TLE2: variants seen among roughly 807,000 people sequenced by gnomAD.
TLE2 encodes TLE family member 2, transcriptional corepressor.
TLE2 carries 74 observed loss-of-function variants against 97.2 expected under a neutral mutation model. That is an observed-to-expected ratio of 0.76 (90% CI 0.63 to 0.92). The LOEUF is 0.92. Ranked by LOEUF, TLE2 falls within the 40% of genes least tolerant of loss-of-function variation. The pLI is 0.00. For synonymous variants in TLE2, 499 were observed against 432.1 expected (o/e 1.15, Z -1.92); for missense variants, 1,038 against 1,008.7 (o/e 1.03, Z -0.39).
At chr19:2,998,199 T>C (rs2089260317) in intron 19 of TLE2, among the ~76,000 whole-genome samples, 2 of 149,150 alleles carry the variant, frequency 1.3e-5, no homozygotes, top group Admixed American at 1.3e-4. Context: ...GCCTCCCAAA[T>C]AGCTGGGATT....
chr19:3,041,013 A>ATATATATATATATT (rs1555695656), intron 1 of TLE2, among the ~76,000 whole-genome samples: 2 of 28,976 alleles, frequency 6.9e-5, no homozygotes, highest in Admixed American at 6.1e-4. Context: ...ATATATATAT[A>ATATATATATATATT]TTTTTTTTTT....
intron 4 of TLE2, chr19:3,025,578 A>C: frequency 2.0e-6 from 2 of 986,824 alleles, no homozygotes; most frequent in Non-Finnish European, 1.2e-6. Flanking sequence ...CTCCAGGTGG[A>C]GATCTCAGCA....
Position 3,019,375 on chromosome 19 carries a change from A to G in TLE2, c.458T>C (p.Leu153Pro). The part of the protein sequence containing the change: ...AGLVGGSATG[L>P]LALSGALAAQ... ...AGCCAGGGCTCCAGACAGAGCAAGC[A>G]GCCCCGTAGCACTGCCGCCCACCAG... The change falls in exon 7 of 20, where the codon CTG becomes CCG. Residue 153 changes from leucine to proline, a missense_variant. By Grantham distance (98) the Leu-to-Pro change is moderately conservative. Coordinates refer to ENST00000262953, the MANE Select transcript of TLE2 (RefSeq NM_003260.5). This position sits in a 1 kb window ranked among gnomAD's most constrained non-coding sequence, Gnocchi z 5.1. 1 of 1,552,524 alleles carries G rather than the reference A, an allele frequency of 6.4e-7. No homozygotes were observed. Among genetic ancestry groups the G allele is most frequent in the Non-Finnish European group, 8.7e-7 (1 of 1,156,014 alleles).
chr19:3,027,749 G>A (rs1247221805), intron 4 of TLE2, 80 bp downstream of exon 4: 11 of 1,452,234 alleles, frequency 7.6e-6, no homozygotes, highest in South Asian at 2.4e-5. Flanking sequence ...CTCTGGCCCC[G>A]GCTGCCCACT....
chr19:3,005,578 G>GA lies in TLE2; in HGVS notation c.1754dup (p.Gln586ProfsTer11). On this transcript the variant is annotated frameshift_variant, in exon 17 of 20. Coordinates refer to ENST00000262953, the MANE Select transcript of TLE2 (RefSeq NM_003260.5). LOFTEE classifies it high-confidence loss of function. ...AGCTGGCGCCGTCCGTGTGGCCCTGGAACTGCCTGGAGGGAGAAGGGCCCA... is the reference window on the plus strand; with the variant it reads ...AGCTGGCGCCGTCCGTGTGGCCCTGGAAACTGCCTGGAGGGAGAAGGGCCCA... The GA allele has an allele frequency of 6.2e-7, 1 of 1,613,138 alleles. No homozygotes were observed. The highest frequency in any genetic ancestry group is 8.5e-7 in the Non-Finnish European group (1 of 1,179,568).
chr19:3,001,621 C>T (rs2089361370), intron 18 of TLE2, among the ~76,000 whole-genome samples: 1 of 151,504 alleles, frequency 6.6e-6, no homozygotes, highest in South Asian at 2.1e-4. Flanking sequence ...TCGTACCTGG[C>T]ACTACAGGTG....
rs1001318229 is a variant in TLE2, at chr19:3,009,611, G to A, written c.1104C>T (p.Pro368=). Residue 368 remains proline, a synonymous_variant, in exon 13 of 20, where the codon CCC becomes CCT. Transcript: ENST00000262953. ...ACAGGTGGAGGCTGACGTAGGAGCT[G>A]GGCACGGAGAGGTCTCCGTTGAGAG... The part of the protein sequence containing the change: ...HSTLNGDLSV[P]SSYVSLHLSP... 13 of 1,613,256 alleles carry A rather than the reference G, an allele frequency of 8.1e-6. No homozygotes were observed. Among genetic ancestry groups the A allele is most frequent in the Non-Finnish European group, 1.0e-5 (12 of 1,179,690 alleles).
intron 4 of TLE2, 117 bp downstream of exon 4, chr19:3,027,712 G>T (rs2089968749): frequency 2.0e-6 from 2 of 1,012,688 alleles, no homozygotes; most frequent in Non-Finnish European, 1.5e-6. Flanking sequence ...GGAGATTTCA[G>T]GATGAGACCC....
chr19:3,031,654 G>A (rs1232410512), upstream of TLE2, among the ~76,000 whole-genome samples: 9 of 151,894 alleles, frequency 5.9e-5, no homozygotes, highest in African/African-American at 1.7e-4. Context: ...TCTCAACTCC[G>A]GTCATTTTCG....
At chr19:3,032,819 C>T (rs566696365), upstream of TLE2, among the ~76,000 whole-genome samples, 6 of 152,242 alleles carry the variant, frequency 3.9e-5, no homozygotes, top group East Asian at 3.9e-4. This position sits in a 1 kb window ranked among gnomAD's most constrained non-coding sequence, Gnocchi z 4.1. Context: ...AAACCCTTTC[C>T]GGCAGGTGTT....
chr19:3,024,533 G>A (rs1333705954), intron 5 of TLE2, among the ~76,000 whole-genome samples: 2 of 151,954 alleles, frequency 1.3e-5, no homozygotes, highest in Non-Finnish European at 1.5e-5. Flanking sequence ...CCTAGGAGTG[G>A]ATCACCCAGT....
intron 19 of TLE2, among the ~76,000 whole-genome samples, chr19:2,999,730 A>AG (rs2089309937): frequency 7.7e-6 from 1 of 130,674 alleles, no homozygotes; most frequent in Non-Finnish European, 1.6e-5. Context: ...CCATCTCAAA[A>AG]AAAAAAAAAG....
intron 8 of TLE2, among the ~76,000 whole-genome samples, chr19:3,017,452 C>CTTTTTT (rs529847551): frequency 2.4e-5 from 3 of 123,836 alleles, no homozygotes; most frequent in Non-Finnish European, 3.3e-5. Flanking sequence ...TTCTTTCTTT[C>CTTTTTT]TTTTTTTTTT....
At chr19:3,020,960 G>A (rs1307125903) in intron 5 of TLE2, among the ~76,000 whole-genome samples, 1 of 151,560 alleles carries the variant, frequency 6.6e-6, no homozygotes, top group African/African-American at 2.4e-5. Flanking sequence ...GTGGCGGCGG[G>A]TGCCTATAAT....
In TLE2 at chr19:3,039,117, T is replaced by G. The variant is rs537839291; in HGVS notation, c.63+6609A>C. ...GGGCACCTGTAGCTGCTTGGGAGGC[T>G]GAGACAGAATTGCTTGAACCCGGGA... is the stretch of plus-strand genomic sequence containing the variant. On this transcript the variant is annotated intron_variant, in intron 1 of 18. Transcript: ENST00000426948. 3.6e-5 allele frequency among the ~76,000 whole-genome samples: 5 copies of G among 140,464 alleles called. 1 individual carries two copies. The South Asian group carries it at 1.1e-3, about 32-fold the overall frequency. The allele number at this position is 140,464 out of a possible 152,430, so 92.1% of individuals were successfully genotyped here. A position where few individuals can be genotyped will look rare whatever the true frequency, so the allele number is the denominator to read the frequency against.
chr19:3,002,648 C>G (rs1274426974), intron 17 of TLE2, 145 bp from the exon 18 acceptor site: 1 of 943,272 alleles, frequency 1.1e-6, no homozygotes. Context: ...AAGAGATCCT[C>G]CTGCCTCAGC....
At position 2,997,838 on chromosome 19, in the gene TLE2, G is replaced by A; in HGVS notation, c.*10C>T. ...GTCTGGACTTCGGGTACAGGAAGGG[G>A]GGTCATGTCTCAGTAGACCACCTCA... On this transcript the variant is annotated 3_prime_UTR_variant, in exon 20 of 20. Transcript: ENST00000262953. The A allele has an allele frequency of 3.1e-6, 5 of 1,588,484 alleles. No individual in the cohort carries two copies. The highest frequency in any genetic ancestry group is 2.3e-5 in the East Asian group (1 of 44,344).
rs992744847 is a variant in TLE2 at position 3,005,807 on chromosome 19, G to A, written c.1662C>T (p.Ala554=). 2 of 1,613,996 alleles carry A rather than the reference G, an allele frequency of 1.2e-6. No individual in the cohort carries two copies. The highest frequency in any genetic ancestry group is 1.3e-5 in the African/African-American group (1 of 75,050). The change falls in exon 16 of 20, where the codon GCC becomes GCT. Residue 554 remains alanine, a synonymous_variant. Transcript: ENST00000262953. ...TSSAPACYAL[A]VSPDAKVCFS... ...AGCAAACCTTGGCGTCGGGGCTGACGGCCAGGGCGTAGCAGGCTGGGGCTG... is the reference window on the plus strand; with the variant it reads ...AGCAAACCTTGGCGTCGGGGCTGACAGCCAGGGCGTAGCAGGCTGGGGCTG...
At chr19:3,025,613 A>G in intron 4 of TLE2, 2 of 985,652 alleles carry the variant, frequency 2.0e-6, no homozygotes, top group Non-Finnish European at 2.4e-6. Flanking sequence ...GAAGGATTTC[A>G]TCTGGAGAGG....
Sources: gnomAD v4.1 joint callset for allele counts (sites outside exome capture counted in the v4.1 genomes callset) on GRCh38, gnomAD v4.1.1 for gene constraint, Gnocchi (gnomAD v3.1) non-coding constraint, MANE v1.5 for transcripts, NCBI Gene and HGNC (gene_info 2026-07-23, HGNC 2026-07-21) for gene names.